ITIH5: variants seen among roughly 807,000 people sequenced by gnomAD.
ITIH5 encodes inter-alpha-trypsin inhibitor heavy chain 5, also known as inter-alpha-trypsin inhibitor heavy chain H5.
Under a neutral mutation model 77.5 loss-of-function variants are expected in ITIH5, and 65 were observed. That is an observed-to-expected ratio of 0.84 (90% CI 0.69 to 1.03). The LOEUF (loss-of-function observed/expected upper bound fraction) is 1.03. ITIH5 is among the 50% of genes least tolerant of loss of function. The pLI, the probability that ITIH5 is intolerant of heterozygous loss-of-function variation, is 0.00. For missense variants in ITIH5, 1,208 were observed against 1,213.1 expected (o/e 1.00, Z 0.06); for synonymous variants, 525 against 494.3 (o/e 1.06, Z -0.82).
chr10:7,658,670 G>C (rs1834227380), intron 1 of ITIH5, among the ~76,000 whole-genome samples: 1 of 152,148 alleles, frequency 6.6e-6, no homozygotes, highest in Non-Finnish European at 1.5e-5. Flanking sequence ...GAAGGTGGTG[G>C]GGGCTTCCAG....
chr10:7,644,913 C>T (rs1326399793), intron 2 of ITIH5, among the ~76,000 whole-genome samples: 1 of 27,622 alleles, frequency 3.6e-5, no homozygotes, highest in Non-Finnish European at 7.3e-5. Context: ...ATATATATCA[C>T]ATATATATAT....
chr10:7,576,473 CGCACGCTCT>C lies in ITIH5; in HGVS notation c.1949_1957del (p.Gln650_Val652del), dbSNP rs1564238716. On this transcript the variant is annotated inframe_deletion, in exon 10 of 14. Transcript: ENST00000397146. ...CGTACCTGGCTGCGTGCCAGCTCCT[CGCACGCTCT>C]GCACCACCGGTTCGGGTCCCATGGC... 6.2e-7 allele frequency: 1 copy of C among 1,600,950 alleles called. No homozygotes were observed. Among genetic ancestry groups the C allele is most frequent in the Admixed American group, 1.7e-5 (1 of 59,576 alleles).
Position 7,561,227 on chromosome 10 carries a change from A to G in ITIH5, c.*1856T>C, listed in dbSNP as rs1258412806. On this transcript the variant is annotated 3_prime_UTR_variant, in exon 14 of 14. Transcript: ENST00000397146. ...CAGCTCTTAAAGTAGCAACACAGGC[A>G]GTAGGAACTGGTCTTTCCTAATAAC... 1 of 152,266 alleles carries G rather than the reference A, an allele frequency of 6.6e-6. No individual in the cohort carries two copies. Among genetic ancestry groups the G allele is most frequent in the Non-Finnish European group, 1.5e-5 (1 of 68,042 alleles). The allele number at this position is 152,266 out of a possible 1,614,324, so 9.4% of individuals were successfully genotyped here. A position where few individuals can be genotyped will look rare whatever the true frequency, so the allele number is the denominator to read the frequency against.
At chr10:7,591,691 C>T (rs1020063706) in intron 7 of ITIH5, among the ~76,000 whole-genome samples, 3 of 152,086 alleles carry the variant, frequency 2.0e-5, no homozygotes, top group Admixed American at 2.0e-4. Context: ...ACATGAACTT[C>T]CAAGAGAGCC....
chr10:7,613,329 T>C (rs1201297668), intron 7 of ITIH5, among the ~76,000 whole-genome samples: 1 of 151,910 alleles, frequency 6.6e-6, no homozygotes, highest in Middle Eastern at 3.2e-3. Context: ...AAGGAAAGGC[T>C]ATGTGGCCTC....
At chr10:7,608,553 G>C (rs1833178203) in intron 7 of ITIH5, among the ~76,000 whole-genome samples, 1 of 152,192 alleles carries the variant, frequency 6.6e-6, no homozygotes, top group Admixed American at 6.5e-5. Context: ...AAAGTGCTGG[G>C]ATTACAGGCA....
chr10:7,629,807 G>A (rs574713731), intron 5 of ITIH5, among the ~76,000 whole-genome samples: 2 of 152,154 alleles, frequency 1.3e-5, no homozygotes, highest in Non-Finnish European at 1.5e-5. Flanking sequence ...TTAAGTACCT[G>A]CTTTCAGTTA....
chr10:7,572,243 C>T, intron 11 of ITIH5: 1 of 1,307,710 alleles, frequency 7.6e-7, no homozygotes. Flanking sequence ...AGAAAGGCAA[C>T]AATCAAGACT....
At chr10:7,587,299 A>G (rs1384114599) in intron 7 of ITIH5, among the ~76,000 whole-genome samples, 1 of 152,250 alleles carries the variant, frequency 6.6e-6, no homozygotes, top group African/African-American at 2.4e-5. Context: ...AGGGGCCTAG[A>G]AAAGGTTTCT....
intron 2 of ITIH5, among the ~76,000 whole-genome samples, chr10:7,644,316 A>G (rs972415724): frequency 6.1e-5 from 9 of 148,544 alleles, no homozygotes; most frequent in Non-Finnish European, 5.9e-5. Flanking sequence ...TCACATATAT[A>G]TCATACATAT....
At position 7,579,970 on chromosome 10, in the gene ITIH5, G is replaced by A. The variant is rs774259267; in HGVS notation, c.1203C>T (p.Ile401=). 11 of 1,614,034 alleles carry A rather than the reference G, an allele frequency of 6.8e-6. 1 individual carries two copies. The highest frequency in any genetic ancestry group is 5.5e-5 in the South Asian group (5 of 91,080). Residue 401 remains isoleucine, a synonymous_variant, in exon 9 of 14, where the codon ATC becomes ATT. Transcript: ENST00000397146. ...TGGGCTTCCCATCCGTCAGGAAGAC[G>A]ATGAGGGACACGCTCCGGTCTCCAA... ...SGIGDRSVSL[I]VFLTDGKPTV...
At chr10:7,605,041 C>T (rs1000603555) in intron 7 of ITIH5, among the ~76,000 whole-genome samples, 3 of 151,998 alleles carry the variant, frequency 2.0e-5, no homozygotes, top group Non-Finnish European at 4.4e-5. Context: ...AGGCTGGTCT[C>T]GAACTCCTGA....
At chr10:7,630,155 CT>C (rs1273975733) in intron 5 of ITIH5, among the ~76,000 whole-genome samples, 4 of 152,212 alleles carry the variant, frequency 2.6e-5, no homozygotes, top group African/African-American at 4.8e-5. Context: ...CTAGTCCTTG[CT>C]TTTTAAAAAA....
chr10:7,644,904 TATATATCAC>T (rs1325489187), intron 2 of ITIH5, among the ~76,000 whole-genome samples: 17 of 41,480 alleles, frequency 4.1e-4, no homozygotes, highest in East Asian at 8.2e-4. Context: ...ATATCACATA[TATATATCAC>T]ATATATATAT....
chr10:7,645,673 T>C (rs184935810), intron 2 of ITIH5, among the ~76,000 whole-genome samples: 1 of 152,328 alleles, frequency 6.6e-6, no homozygotes, highest in African/African-American at 2.4e-5. Flanking sequence ...GGAAATTATG[T>C]CTGAATTGAG....
At chr10:7,582,097 G>C (rs1034617045) in intron 8 of ITIH5, among the ~76,000 whole-genome samples, 4 of 151,850 alleles carry the variant, frequency 2.6e-5, no homozygotes, top group Admixed American at 1.3e-4. Context: ...GGCTGGTCTT[G>C]ATTTCCTGAC....
intron 2 of ITIH5, among the ~76,000 whole-genome samples, chr10:7,648,463 T>A (rs758948767): frequency 1.2e-4 from 18 of 152,246 alleles, no homozygotes; most frequent in Non-Finnish European, 2.2e-4. Context: ...CTCTGAACTG[T>A]AGTCATATTC....
At chr10:7,649,967 G>A (rs1263684598) in intron 2 of ITIH5, among the ~76,000 whole-genome samples, 4 of 152,182 alleles carry the variant, frequency 2.6e-5, no homozygotes, top group Non-Finnish European at 5.9e-5. Flanking sequence ...GTTTTGGGAT[G>A]TCCGCTGGAA....
At chr10:7,613,549 T>C (rs894807982) in intron 7 of ITIH5, among the ~76,000 whole-genome samples, 9 of 152,046 alleles carry the variant, frequency 5.9e-5, no homozygotes, top group Non-Finnish European at 1.2e-4. Flanking sequence ...TCCTAAAACA[T>C]CACAGAGGAG....
Sources: gnomAD v4.1 joint callset for allele counts (sites outside exome capture counted in the v4.1 genomes callset) on GRCh38, gnomAD v4.1.1 for gene constraint, MANE v1.5 for transcripts, NCBI Gene and HGNC (gene_info 2026-07-23, HGNC 2026-07-21) for gene names.